The following CRACDL variants were observed in gnomAD, a reference collection of about 807,000 sequenced individuals.
The protein encoded by CRACDL is CRACD like.
CRACDL carries 26 observed loss-of-function variants against 70.6 expected under a neutral mutation model. The observed-to-expected ratio is 0.37, with a 90% CI of 0.27 to 0.51. The LOEUF is 0.51. Among genes scored for constraint, CRACDL ranks in the 20% least tolerant of loss-of-function variants. CRACDL has a pLI of 0.94. For missense variants in CRACDL, 1,283 were observed against 1,376.9 expected (o/e 0.93, Z 1.08); for synonymous variants, 618 against 615.2 (o/e 1.00, Z -0.07).
intron 5 of CRACDL, among the ~76,000 whole-genome samples, chr2:98,831,346 G>A (rs1251630677): frequency 6.6e-6 from 1 of 152,190 alleles, no homozygotes; most frequent in Non-Finnish European, 1.5e-5. Flanking sequence ...AATTTGGTGT[G>A]GCAGGGTGTA....
At chr2:98,854,324 A>T (rs1386068848) in intron 1 of CRACDL, among the ~76,000 whole-genome samples, 2 of 150,488 alleles carry the variant, frequency 1.3e-5, no homozygotes, top group African/African-American at 4.8e-5. Context: ...ACCAGATGGG[A>T]TACATTAAAA....
Position 98,822,740 on chromosome 2 carries a change from C to T in CRACDL, c.1533G>A (p.Ala511=), listed in dbSNP as rs555685220. 21 of 1,261,536 alleles carry T rather than the reference C, an allele frequency of 1.7e-5. No individual in the cohort carries two copies. In the South Asian group the frequency reaches 4.8e-4, roughly 29 times the overall value. The allele number at this position is 1,261,536 out of a possible 1,614,324, so 78.1% of individuals were successfully genotyped here. A position where few individuals can be genotyped will look rare whatever the true frequency, so the allele number is the denominator to read the frequency against. The part of the protein sequence containing the change: ...RPAAASEGPA[A]SPPLAAAESP... The stretch of plus-strand genomic sequence containing the variant: ...ACTCCGCAGCGGCAAGCGGCGGGGA[C>T]GCGGCGGGGCCCTCGCTGGCGGCCG... The change falls in exon 7 of 10, where the codon GCG becomes GCA. Residue 511 remains alanine (A), a synonymous_variant. Transcript: ENST00000397899. The surrounding 1 kb of genome is among the most constrained non-coding windows in gnomAD (Gnocchi z 4.9).
In CRACDL at chr2:98,826,982, A is replaced by G. The variant is rs757529019; in HGVS notation, c.728T>C (p.Leu243Pro). The change falls in exon 6 of 10, where the codon CTC (leucine) becomes CCC (proline). Residue 243 changes from leucine to proline, a missense_variant. Leu to Pro is a moderately conservative substitution (Grantham distance 98). Around this residue, in one of 2 missense-constraint regions of CRACDL, gnomAD observed 362 missense variants for 495.0 expected, o/e 0.73. Transcript: ENST00000397899. ...AGAAGGAAACCCAATTACCGATGAG[A>G]GCCGCCTCATCTTACTCGACCGCTG... Reference protein sequence around the residue: ...RNQRSSKMRRLSSRAQSESLS... With the variant: ...RNQRSSKMRRPSSRAQSESLS... The G allele has an allele frequency of 2.5e-5, 40 of 1,611,872 alleles. No homozygotes were observed. The highest frequency in any genetic ancestry group is 3.5e-4 in the Middle Eastern group (2 of 5,720).
chr2:98,866,783 G>A (rs375071872), intron 1 of CRACDL, among the ~76,000 whole-genome samples: 2 of 151,760 alleles, frequency 1.3e-5, no homozygotes, highest in South Asian at 2.1e-4. Flanking sequence ...GTGAGCCACC[G>A]TGACCAGCAG....
At chr2:98,832,747 T>A in intron 4 of CRACDL, 115 bp downstream of exon 4, 1 of 1,347,858 alleles carries the variant, frequency 7.4e-7, no homozygotes, top group Non-Finnish European at 1.1e-6. Flanking sequence ...GGAGCTGTCA[T>A]GTACATGTGA....
intron 1 of CRACDL, among the ~76,000 whole-genome samples, chr2:98,869,785 T>C (rs1257825137): frequency 6.6e-6 from 1 of 152,208 alleles, no homozygotes; most frequent in East Asian, 1.9e-4. Flanking sequence ...AGTTTCAGTT[T>C]TCTTTTTACT....
rs529894228 is a variant in CRACDL at position 98,934,113 on chromosome 2, G to A, written c.-11+1825C>T. Among the ~76,000 whole-genome samples the A allele has an allele frequency of 3.7e-4, 56 of 152,166 alleles. No individual in the cohort carries two copies. The Middle Eastern group carries it at 0.014, about 37-fold the overall frequency. On this transcript the variant is annotated intron_variant, in intron 1 of 9. Coordinates refer to ENST00000397899, the MANE Select transcript of CRACDL (RefSeq NM_207362.3). Reference sequence around the variant, plus strand: ...TTAGGAATCCACATATGAATTTTTGGGGGGACACAAACATTCAAACCATAG... The same window carrying A: ...TTAGGAATCCACATATGAATTTTTGAGGGGACACAAACATTCAAACCATAG...
chr2:98,869,138 T>C (rs1477210540), intron 1 of CRACDL: 4 of 1,304,342 alleles, frequency 3.1e-6, no homozygotes, highest in East Asian at 5.5e-5. Flanking sequence ...GCTGTGAGCC[T>C]CCAGCTCTCT....
At chr2:98,856,789 C>T (rs1706718008) in intron 1 of CRACDL, among the ~76,000 whole-genome samples, 1 of 152,108 alleles carries the variant, frequency 6.6e-6, no homozygotes. Flanking sequence ...AACATCATGC[C>T]CAGGCAACCA....
intron 1 of CRACDL, among the ~76,000 whole-genome samples, chr2:98,868,802 C>A (rs1415944945): frequency 6.6e-6 from 1 of 151,936 alleles, no homozygotes; most frequent in African/African-American, 2.4e-5. Flanking sequence ...CAGCCCTCCT[C>A]CCCTTTCCCT....
At chr2:98,816,129 C>T (rs1013669092) in intron 7 of CRACDL, among the ~76,000 whole-genome samples, 22 of 152,116 alleles carry the variant, frequency 1.4e-4, no homozygotes, top group Admixed American at 5.2e-4. Flanking sequence ...AGTGGCAGAG[C>T]GCAGAGGTGT....
chr2:98,896,919 G>T (rs1055614538), intron 1 of CRACDL, among the ~76,000 whole-genome samples: 1 of 152,104 alleles, frequency 6.6e-6, no homozygotes, highest in East Asian at 1.9e-4. Context: ...GACACCCCTG[G>T]CAGGCATTGC....
chr2:98,844,281 A>G (rs945220251), intron 2 of CRACDL, among the ~76,000 whole-genome samples: 1 of 152,064 alleles, frequency 6.6e-6, no homozygotes, highest in African/African-American at 2.4e-5. Context: ...GCTTTATTGC[A>G]CTGGCTGGGT....
chr2:98,912,839 C>A (rs1037674681), intron 1 of CRACDL: 3 of 152,288 alleles, frequency 2.0e-5, no homozygotes, highest in Admixed American at 6.5e-5. Context: ...GTCCTTGGGC[C>A]TGACGGTGGA....
intron 1 of CRACDL, among the ~76,000 whole-genome samples, chr2:98,920,490 C>T (rs1553404225): frequency 1.3e-5 from 2 of 152,266 alleles, no homozygotes; most frequent in African/African-American, 2.4e-5. Context: ...CAAGGGGTGC[C>T]AGCACTTTCC....
Position 98,889,462 on chromosome 2 carries a change from T to C in CRACDL, c.-10-42652A>G, listed in dbSNP as rs191065088. ...AATTGTATAATGACAAAAGTACCAATGAATCAAGATTAAACAACCACACAC... is the reference window on the plus strand; with the variant it reads ...AATTGTATAATGACAAAAGTACCAACGAATCAAGATTAAACAACCACACAC... On this transcript the variant is annotated intron_variant, in intron 1 of 9. Transcript: ENST00000397899. Among the ~76,000 whole-genome samples, 45 of 152,234 alleles carry C rather than the reference T, an allele frequency of 3.0e-4. No individual in the cohort carries two copies. In the Middle Eastern group the frequency reaches 0.01, roughly 35 times the overall value.
At chr2:98,805,150 C>T (rs1399054062) in intron 7 of CRACDL, among the ~76,000 whole-genome samples, 3 of 152,160 alleles carry the variant, frequency 2.0e-5, no homozygotes, top group East Asian at 1.9e-4. Flanking sequence ...AAAGGGGACA[C>T]GGCAGGGCCT....
At chr2:98,887,305 C>A (rs1427018722) in intron 1 of CRACDL, among the ~76,000 whole-genome samples, 1 of 151,996 alleles carries the variant, frequency 6.6e-6, no homozygotes, top group Admixed American at 6.5e-5. Flanking sequence ...GGCAACATAG[C>A]AAGGTCCTAT....
At chr2:98,901,430 C>T (rs1013914935) in intron 1 of CRACDL, among the ~76,000 whole-genome samples, 1 of 152,266 alleles carries the variant, frequency 6.6e-6, no homozygotes, top group African/African-American at 2.4e-5. Flanking sequence ...TCCCAGGGCT[C>T]CCCCCATCCA....
Sources: allele counts gnomAD v4.1 joint callset (sites outside exome capture counted in the v4.1 genomes callset), GRCh38; gene constraint gnomAD v4.1.1; regional missense constraint gnomAD v4.1.1; non-coding constraint Gnocchi (gnomAD v3.1); transcripts MANE v1.5; gene names NCBI Gene and HGNC (gene_info 2026-07-23, HGNC 2026-07-21).